Variants in ENPP3 observed in about 807,000 individuals in gnomAD.
ENPP3 encodes the protein ectonucleotide pyrophosphatase/phosphodiesterase 3.
ENPP3 carries 104 observed loss-of-function variants against 117.8 expected under a neutral mutation model. That is an observed-to-expected ratio of 0.88 (90% CI 0.75 to 1.04). The LOEUF is 1.04. Among genes scored for constraint, ENPP3 ranks in the 50% least tolerant of loss-of-function variants. ENPP3 has a pLI of 0.00. For synonymous variants in ENPP3, 380 were observed against 349.9 expected, an observed-to-expected ratio of 1.09 and a Z score of -0.96; for missense variants, 1,026 against 1,051.9, an observed-to-expected ratio of 0.98 and a Z score of 0.34.
At chr6:131,721,833 T>C (rs1780039851) in intron 17 of ENPP3, among the ~76,000 whole-genome samples, 2 of 152,242 alleles carry the variant, frequency 1.3e-5, no homozygotes, top group Admixed American at 6.5e-5. Flanking sequence ...AGCTTTTCTT[T>C]GGAGAAACAG....
At chr6:131,665,184 T>G (rs1778592555) in intron 6 of ENPP3, among the ~76,000 whole-genome samples, 1 of 152,190 alleles carries the variant, frequency 6.6e-6, no homozygotes, top group African/African-American at 2.4e-5. Context: ...TGCATCTATT[T>G]TCATCAGGAA....
At chr6:131,732,119 G>A (rs117383102) in intron 20 of ENPP3, among the ~76,000 whole-genome samples, 73 of 152,310 alleles carry the variant, frequency 4.8e-4, no homozygotes, top group Middle Eastern at 3.4e-3. Context: ...TCAGCACAAT[G>A]CAGTGAATAA....
intron 5 of ENPP3, among the ~76,000 whole-genome samples, chr6:131,654,297 C>T (rs999161843): frequency 9.9e-5 from 15 of 151,262 alleles, no homozygotes; most frequent in African/African-American, 3.4e-4. Flanking sequence ...CCACATGCAG[C>T]TAAACATTTT....
At chr6:131,637,644 A>C (rs1225270640) in intron 1 of ENPP3, among the ~76,000 whole-genome samples, 182 bp downstream of exon 1, 1 of 152,238 alleles carries the variant, frequency 6.6e-6, no homozygotes, top group African/African-American at 2.4e-5. Context: ...TTTACACGTA[A>C]GAAATTTGAG....
intron 2 of ENPP3, among the ~76,000 whole-genome samples, chr6:131,645,693 T>C (rs1200432513): frequency 1.3e-5 from 2 of 152,214 alleles, no homozygotes; most frequent in Non-Finnish European, 2.9e-5. Flanking sequence ...AAGATGGAAA[T>C]ACTTTGTTTT....
intron 11 of ENPP3, among the ~76,000 whole-genome samples, chr6:131,680,124 G>A (rs1460670715): frequency 6.6e-6 from 1 of 152,198 alleles, no homozygotes; most frequent in African/African-American, 2.4e-5. Context: ...GGAGGAAGCA[G>A]GGGAAAGTGG....
chr6:131,677,924 G>C lies in ENPP3; in HGVS notation c.995G>C (p.Gly332Ala). ...CCTGATTCCTCTGGACATGCAGGTG[G>C]ACCAGTCAGTGCCAGAGTAAGTTGT... is the stretch of plus-strand genomic sequence containing the variant. ...EEPDSSGHAGGPVSARVIKAL... is the reference protein window; with the variant it reads ...EEPDSSGHAGAPVSARVIKAL... The change falls in exon 11 of 25, where the codon GGA becomes GCA. Residue 332 changes from glycine to alanine, a missense_variant. Transcript: ENST00000357639. 1 of 1,608,406 alleles carries C rather than the reference G, an allele frequency of 6.2e-7. No individual in the cohort carries two copies. Among genetic ancestry groups the C allele is most frequent in the Non-Finnish European group, 8.5e-7 (1 of 1,175,342 alleles).
chr6:131,683,751 T>C (rs1356444396), intron 12 of ENPP3, among the ~76,000 whole-genome samples: 1 of 145,754 alleles, frequency 6.9e-6, no homozygotes, highest in Admixed American at 6.8e-5. Context: ...CTCTACAGGT[T>C]TTTTTTTTTT....
chr6:131,732,768 A>C (rs1780314069), intron 20 of ENPP3, among the ~76,000 whole-genome samples: 1 of 142,332 alleles, frequency 7.0e-6, no homozygotes, highest in Non-Finnish European at 1.5e-5. Flanking sequence ...ATGGAGTCTC[A>C]CTCTGTCACC....
intron 6 of ENPP3, among the ~76,000 whole-genome samples, chr6:131,670,434 G>A (rs1778714823): frequency 6.6e-6 from 1 of 152,206 alleles, no homozygotes; most frequent in Admixed American, 6.5e-5. Flanking sequence ...CTACTCGTTT[G>A]TGTATGGCCT....
intron 8 of ENPP3, 178 bp downstream of exon 8, chr6:131,674,459 T>G: frequency 1.5e-6 from 1 of 646,776 alleles, no homozygotes; most frequent in Non-Finnish European, 2.8e-6. Context: ...TTTATGGTTG[T>G]TAACTCAAAT....
intron 12 of ENPP3, among the ~76,000 whole-genome samples, chr6:131,683,473 G>T (rs924123027): frequency 2.0e-5 from 3 of 152,174 alleles, no homozygotes; most frequent in African/African-American, 7.2e-5. Context: ...CTTCTTTCCA[G>T]CCATGATTCG....
chr6:131,685,883 T>C lies in ENPP3; in HGVS notation c.1260T>C (p.Ser420=). The C allele has an allele frequency of 1.0e-6, 1 of 957,684 alleles. No individual in the cohort carries two copies. The highest frequency in any genetic ancestry group is 1.6e-6 in the Non-Finnish European group (1 of 612,432). The allele number at this position is 957,684 out of a possible 1,614,324, so 59.3% of individuals were successfully genotyped here. Residue 420 remains serine (S), a synonymous_variant, in exon 14 of 25, where the codon TCT becomes TCC. Transcript: ENST00000357639. Reference sequence around the variant, plus strand: ...CTTTTTCTTTTGAAACAGTTAATTCTGAGGAAATTGTTAGAAACCTCAGTG... The same window carrying C: ...CTTTTTCTTTTGAAACAGTTAATTCCGAGGAAATTGTTAGAAACCTCAGTG... ...NIPHDFFSFN[S]EEIVRNLSCR...
At chr6:131,746,006 A>C (rs1278652518) in intron 24 of ENPP3, among the ~76,000 whole-genome samples, 1 of 151,986 alleles carries the variant, frequency 6.6e-6, no homozygotes, top group Non-Finnish European at 1.5e-5. Flanking sequence ...CTGTAATCCC[A>C]GCTACTTGGG....
intron 20 of ENPP3, 73 bp downstream of exon 20, chr6:131,726,273 T>C (rs972075795): frequency 2.1e-6 from 3 of 1,432,568 alleles, no homozygotes; most frequent in Non-Finnish European, 2.9e-6. Flanking sequence ...AGAGTTGAAT[T>C]TTGTTTTGCA....
chr6:131,726,247 A>C, intron 20 of ENPP3, 47 bp downstream of exon 20: 12 of 1,535,152 alleles, frequency 7.8e-6, no homozygotes, highest in Non-Finnish European at 1.1e-5. Flanking sequence ...AATATTTATA[A>C]TCCTTTCATA....
chr6:131,737,807 A>G (rs12199015), intron 22 of ENPP3, among the ~76,000 whole-genome samples: 10,578 of 152,228 alleles, frequency 0.069, 824 homozygotes, highest in East Asian at 0.33. Flanking sequence ...ATTTGAAGGC[A>G]TATTTAACTG....
At chr6:131,668,945 CT>C (rs1167335569) in intron 6 of ENPP3, among the ~76,000 whole-genome samples, 3 of 152,180 alleles carry the variant, frequency 2.0e-5, no homozygotes, top group Non-Finnish European at 4.4e-5. Flanking sequence ...AAAACGGTAG[CT>C]TGGGTCTATA....
chr6:131,646,115 A>G (rs1406015149), intron 2 of ENPP3, among the ~76,000 whole-genome samples: 1 of 152,182 alleles, frequency 6.6e-6, no homozygotes, highest in Non-Finnish European at 1.5e-5. Context: ...CTTGTGGACC[A>G]CAATTCTGCT....
Sources: allele counts gnomAD v4.1 joint callset (sites outside exome capture counted in the v4.1 genomes callset), GRCh38; gene constraint gnomAD v4.1.1; transcripts MANE v1.5; gene names NCBI Gene and HGNC (gene_info 2026-07-23, HGNC 2026-07-21).